Variants in COL13A1 observed in about 807,000 individuals in gnomAD.
The protein encoded by COL13A1 is collagen type XIII alpha 1 chain.
In COL13A1, 89 loss-of-function variants were observed where a neutral mutation model predicts 130.9. The observed-to-expected ratio is 0.68, with a 90% confidence interval of 0.57 to 0.81. The LOEUF is 0.81. COL13A1 is among the 30% of genes least tolerant of loss of function. The pLI is 0.00. For missense variants in COL13A1, 879 were observed against 934.6 expected (o/e 0.94, Z 0.78); for synonymous variants, 402 against 341.6 (o/e 1.18, Z -1.95).
At chr10:69,823,488 C>T (rs1324486029) in intron 2 of COL13A1, among the ~76,000 whole-genome samples, 3 of 152,230 alleles carry the variant, frequency 2.0e-5, no homozygotes, top group Non-Finnish European at 2.9e-5. Flanking sequence ...TCGATACCCA[C>T]GGTGGCAGGT....
chr10:69,929,392 G>A (rs2637229), intron 28 of COL13A1, among the ~76,000 whole-genome samples: 88,832 of 151,530 alleles, frequency 0.59, 26,072 homozygotes, highest in African/African-American at 0.61. Context: ...TTCTCAGAAG[G>A]TCTGCCCCTC....
At chr10:69,927,062 T>C in intron 26 of COL13A1, 25 bp from the exon 27 acceptor site, 3 of 1,613,780 alleles carry the variant, frequency 1.9e-6, no homozygotes, top group Middle Eastern at 3.3e-4. Flanking sequence ...GCTCTTCAAC[T>C]GATTGCCTGG....
At chr10:69,919,325 C>T (rs1565061916) in intron 20 of COL13A1, among the ~76,000 whole-genome samples, 1 of 152,178 alleles carries the variant, frequency 6.6e-6, no homozygotes, top group East Asian at 1.9e-4. Context: ...CCTGCACCCA[C>T]AGGGTTCTCT....
intron 35 of COL13A1, among the ~76,000 whole-genome samples, chr10:69,942,319 C>T (rs1016926811): frequency 2.0e-5 from 3 of 152,306 alleles, no homozygotes; most frequent in East Asian, 3.9e-4. Context: ...AGAGAGCATG[C>T]CCTGGCTTCC....
chr10:69,910,743 G>A (rs904309311), intron 17 of COL13A1, among the ~76,000 whole-genome samples: 19 of 152,238 alleles, frequency 1.2e-4, no homozygotes, highest in African/African-American at 3.9e-4. Context: ...GATGCAAAGC[G>A]TGTTTAAAAC....
At chr10:69,821,676 T>C (rs903747274) in intron 1 of COL13A1, among the ~76,000 whole-genome samples, 4 of 152,196 alleles carry the variant, frequency 2.6e-5, no homozygotes, top group African/African-American at 9.7e-5. Context: ...ATGAGACCCT[T>C]GTCACATTGC....
At chr10:69,944,093 A>C in intron 35 of COL13A1, 32 bp from the exon 36 acceptor site, 1 of 1,599,040 alleles carries the variant, frequency 6.3e-7, no homozygotes, top group Non-Finnish European at 8.6e-7. Flanking sequence ...GAGTGTGGGG[A>C]CCCTCACCTC....
chr10:69,931,872 G>C (rs545910532), intron 30 of COL13A1, among the ~76,000 whole-genome samples: 12 of 152,302 alleles, frequency 7.9e-5, no homozygotes, highest in African/African-American at 2.6e-4. Flanking sequence ...CATCCTAGTT[G>C]GGTCCTCTGC....
chr10:69,941,652 G>A (rs1452013378), intron 35 of COL13A1, among the ~76,000 whole-genome samples: 1 of 152,160 alleles, frequency 6.6e-6, no homozygotes, highest in Non-Finnish European at 1.5e-5. Flanking sequence ...TACAGAGCAA[G>A]TGAGGCACAC....
intron 35 of COL13A1, among the ~76,000 whole-genome samples, chr10:69,941,949 G>A (rs1214562143): frequency 1.3e-5 from 2 of 152,226 alleles, no homozygotes; most frequent in African/African-American, 4.8e-5. Flanking sequence ...TCCTGCAGAG[G>A]GCTTTCAAGG....
At chr10:69,805,214 GA>G (rs1445982848) in intron 1 of COL13A1, among the ~76,000 whole-genome samples, 1 of 152,170 alleles carries the variant, frequency 6.6e-6, no homozygotes, top group African/African-American at 2.4e-5. Context: ...GGGTTTTCAG[GA>G]AGGCAGTTAT....
At chr10:69,834,437 G>A (rs1294927601) in intron 2 of COL13A1, among the ~76,000 whole-genome samples, 10 of 152,194 alleles carry the variant, frequency 6.6e-5, no homozygotes, top group Non-Finnish European at 1.0e-4. Flanking sequence ...CTAGGTGTGG[G>A]CCAAGGAGGG....
At chr10:69,913,417 G>A (rs547987889) in intron 17 of COL13A1, among the ~76,000 whole-genome samples, 1 of 152,340 alleles carries the variant, frequency 6.6e-6, no homozygotes, top group Non-Finnish European at 1.5e-5. Context: ...AACCAAGACA[G>A]TGATGAGTGA....
intron 2 of COL13A1, among the ~76,000 whole-genome samples, chr10:69,844,577 G>A (rs1852494197): frequency 6.6e-6 from 1 of 152,220 alleles, no homozygotes; most frequent in South Asian, 2.1e-4. Flanking sequence ...AGTTAATACA[G>A]TGGCATGTTT....
At chr10:69,937,097 C>G (rs1296937927) in intron 33 of COL13A1, among the ~76,000 whole-genome samples, 1 of 152,176 alleles carries the variant, frequency 6.6e-6, no homozygotes, top group Non-Finnish European at 1.5e-5. Flanking sequence ...GGGAGAGAGA[C>G]AGCAACATAG....
intron 2 of COL13A1, among the ~76,000 whole-genome samples, chr10:69,830,128 G>A (rs1378810836): frequency 6.6e-6 from 1 of 152,226 alleles, no homozygotes; most frequent in African/African-American, 2.4e-5. Flanking sequence ...CTGGGCTTTG[G>A]TTTCCTCGCT....
At chr10:69,824,932 G>A (rs1847118920) in intron 2 of COL13A1, among the ~76,000 whole-genome samples, 1 of 152,218 alleles carries the variant, frequency 6.6e-6, no homozygotes, top group Non-Finnish European at 1.5e-5. Flanking sequence ...TGGCCACACG[G>A]AAGCATTTCA....
intron 17 of COL13A1, among the ~76,000 whole-genome samples, chr10:69,911,643 G>A (rs572982299): frequency 2.0e-5 from 3 of 152,228 alleles, no homozygotes; most frequent in Non-Finnish European, 2.9e-5. Context: ...AGCTGTTTTC[G>A]TTCTTGTAAG....
At chr10:69,943,789 C>T (rs2068028852) in intron 35 of COL13A1, among the ~76,000 whole-genome samples, 1 of 152,258 alleles carries the variant, frequency 6.6e-6, no homozygotes, top group Admixed American at 6.5e-5. Flanking sequence ...CCCCCGGCCC[C>T]TGCCCCGGGA....
Sources: gnomAD v4.1 joint callset for allele counts (sites outside exome capture counted in the v4.1 genomes callset) on GRCh38, gnomAD v4.1.1 for gene constraint, MANE v1.5 for transcripts, NCBI Gene and HGNC (gene_info 2026-07-23, HGNC 2026-07-21) for gene names.